The following PITPNM2 variants were observed in gnomAD, a reference collection of about 807,000 sequenced individuals.
The protein encoded by PITPNM2 is membrane-associated phosphatidylinositol transfer protein 2.
A neutral mutation model predicts 132.2 loss-of-function variants in PITPNM2; 35 were observed. The observed-to-expected ratio is 0.26, with a 90% CI of 0.20 to 0.35. The LOEUF is 0.35. PITPNM2 is among the 10% of genes least tolerant of loss of function. The probability of loss-of-function intolerance (pLI) is 1.00; values close to 1 mark genes in which losing one functional copy is unlikely to be tolerated. For synonymous variants in PITPNM2, 738 were observed against 799.2 expected (o/e 0.92, Z 1.29); for missense variants, 1,332 against 1,912.0 (o/e 0.70, Z 5.66).
chr12:123,086,283 T>C (rs1593003120), intron 2 of PITPNM2, among the ~76,000 whole-genome samples: 1 of 152,220 alleles, frequency 6.6e-6, no homozygotes. Context: ...ATTTACCAGC[T>C]TGGGGGCCTT....
chr12:123,049,033 C>A (rs1356157778), intron 2 of PITPNM2, among the ~76,000 whole-genome samples: 1 of 152,124 alleles, frequency 6.6e-6, no homozygotes, highest in Non-Finnish European at 1.5e-5. Flanking sequence ...ACTCAGAAGG[C>A]TGAGGCTGGA....
At chr12:122,989,672 C>G in intron 18 of PITPNM2, 115 bp downstream of exon 18, 1 of 1,065,256 alleles carries the variant, frequency 9.4e-7, no homozygotes, top group Middle Eastern at 3.5e-4. Context: ...CCTCCCAGCC[C>G]AGCCCCCAGC....
intron 2 of PITPNM2, among the ~76,000 whole-genome samples, chr12:123,069,769 T>A (rs1190906595): frequency 6.6e-6 from 1 of 152,194 alleles, no homozygotes; most frequent in Non-Finnish European, 1.5e-5. Flanking sequence ...AGCAGTTGCT[T>A]AATAAAGGTA....
intron 3 of PITPNM2, among the ~76,000 whole-genome samples, chr12:123,027,015 TG>T (rs35801045): frequency 6.6e-6 from 1 of 152,144 alleles, no homozygotes; most frequent in African/African-American, 2.4e-5. Flanking sequence ...ATGCAGATTC[TG>T]GGGGGGACAC....
chr12:123,020,625 G>C (rs1211256363), intron 3 of PITPNM2, among the ~76,000 whole-genome samples: 1 of 152,172 alleles, frequency 6.6e-6, no homozygotes, highest in African/African-American at 2.4e-5. Flanking sequence ...AGCAGGAGAT[G>C]CCTCTGTGCT....
intron 2 of PITPNM2, among the ~76,000 whole-genome samples, chr12:123,076,550 G>A (rs1422569950): frequency 1.3e-5 from 2 of 152,192 alleles, no homozygotes; most frequent in African/African-American, 2.4e-5. Flanking sequence ...TGCTCATGAG[G>A]CTGAAGTCCT....
At chr12:123,011,168 C>A (rs1283215903) in intron 5 of PITPNM2, among the ~76,000 whole-genome samples, 1 of 152,238 alleles carries the variant, frequency 6.6e-6, no homozygotes, top group Non-Finnish European at 1.5e-5. Context: ...GCTCACAGAA[C>A]CCTTTTTTGC....
At chr12:123,019,134 T>G (rs527553303) in intron 3 of PITPNM2, among the ~76,000 whole-genome samples, 1 of 152,174 alleles carries the variant, frequency 6.6e-6, no homozygotes, top group Non-Finnish European at 1.5e-5. Context: ...TAGGTAGTGG[T>G]GATGGTTGCA....
intron 5 of PITPNM2, among the ~76,000 whole-genome samples, chr12:123,011,889 C>T (rs1011972822): frequency 2.6e-5 from 4 of 152,180 alleles, no homozygotes; most frequent in African/African-American, 7.2e-5. Context: ...CATGCTATGA[C>T]GCTTTGTTTC....
rs1476200462 is a variant in PITPNM2, at chr12:122,988,579, G to A, written c.2880+145C>T. On this transcript the variant is annotated intron_variant, in intron 19 of 25. Coordinates refer to ENST00000320201, the MANE Select transcript of PITPNM2 (RefSeq NM_020845.3). ...TGTCCTGAAAAGCCTGAATACACCC[G>A]AGCATAAAGGTGCCCTCATCTTGCT... 16 of 895,184 alleles carry A rather than the reference G, an allele frequency of 1.8e-5. No individual in the cohort carries two copies. In the Admixed American group the frequency reaches 3.3e-4, roughly 18 times the overall value. 55.5% of individuals were successfully genotyped at this position (895,184 alleles called of 1,614,324 possible).
rs1279826619 is a variant in PITPNM2, at chr12:123,000,992, G to A, written c.1153+62C>T. On this transcript the variant is annotated intron_variant, in intron 9 of 25. Coordinates refer to ENST00000320201, the MANE Select transcript of PITPNM2 (RefSeq NM_020845.3). The surrounding 1 kb of genome is among the most constrained non-coding windows in gnomAD (Gnocchi z 5.4). ...CACTGTGCAGAAGCTGGTCAGAAAGGAGGGGGCTGAAGCCCTGCAACCGCC... is the reference window on the plus strand; with the variant it reads ...CACTGTGCAGAAGCTGGTCAGAAAGAAGGGGGCTGAAGCCCTGCAACCGCC... The A allele has an allele frequency of 3.9e-6, 6 of 1,552,746 alleles. No individual in the cohort carries two copies. Among genetic ancestry groups the A allele is most frequent in the Non-Finnish European group, 4.4e-6 (5 of 1,124,706 alleles).
At chr12:123,118,082 T>C (rs1346843732) in intron 1 of PITPNM2, among the ~76,000 whole-genome samples, 1 of 152,134 alleles carries the variant, frequency 6.6e-6, no homozygotes, top group African/African-American at 2.4e-5. Flanking sequence ...AAGACAAGAG[T>C]GGGGATAAGC....
At position 123,108,980 on chromosome 12, in the gene PITPNM2, C is replaced by A; in HGVS notation, c.-96+1405G>T. Among the ~76,000 whole-genome samples the A allele has an allele frequency of 6.6e-6, 1 of 152,210 alleles. No homozygotes were observed. Among genetic ancestry groups the A allele is most frequent in the East Asian group, 1.9e-4 (1 of 5,194 alleles). ...TCTAGACTCGGGGTCCAATCCCAAT[C>A]CCACCACTGACTAGCTGTGCAACCT... On this transcript the variant is annotated intron_variant, in intron 2 of 25. Transcript: ENST00000320201. The surrounding 1 kb of genome is among the most constrained non-coding windows in gnomAD (Gnocchi z 4.4).
chr12:122,991,648 G>C (rs1029541057), intron 16 of PITPNM2: 1 of 1,162,508 alleles, frequency 8.6e-7, no homozygotes, highest in African/African-American at 1.6e-5. Flanking sequence ...CACCACCCAG[G>C]TCCCACGAAC....
chr12:123,093,773 T>A (rs1593009076), intron 2 of PITPNM2, among the ~76,000 whole-genome samples: 1 of 152,128 alleles, frequency 6.6e-6, no homozygotes, highest in South Asian at 2.1e-4. Flanking sequence ...CTTTAATACC[T>A]CCAACCCTGA....
At chr12:122,988,940 G>A (rs2038061789) in intron 18 of PITPNM2, 68 bp from the exon 19 acceptor site, 9 of 1,444,598 alleles carry the variant, frequency 6.2e-6, no homozygotes, top group South Asian at 1.4e-5. Context: ...AGGGTCACCC[G>A]GCCCCTCTGG....
Position 122,996,751 on chromosome 12 carries a change from C to T in PITPNM2, c.1632G>A (p.Lys544=), listed in dbSNP as rs1395198214. The change falls in exon 12 of 26, where the codon AAG becomes AAA. Residue 544 remains lysine, a synonymous_variant. Coordinates refer to ENST00000320201, the MANE Select transcript of PITPNM2 (RefSeq NM_020845.3). ...RANLAYGDFI[K]SQEGMTFNGQ... The stretch of plus-strand genomic sequence containing the variant: ...CATTGAAGGTCATGCCCTCCTGGGA[C>T]TTGATGAAGTCCCCATAGGCAAGGT... The T allele has an allele frequency of 6.2e-7, 1 of 1,612,012 alleles. No homozygotes were observed. Among genetic ancestry groups the T allele is most frequent in the Non-Finnish European group, 8.5e-7 (1 of 1,179,528 alleles).
In PITPNM2 at chr12:123,009,583, G is replaced by A. The variant is rs1027161876; in HGVS notation, c.643+267C>T. Among the ~76,000 whole-genome samples, 2 of 152,220 alleles carry A rather than the reference G, an allele frequency of 1.3e-5. No individual in the cohort carries two copies. The highest frequency in any genetic ancestry group is 2.1e-4 in the South Asian group (1 of 4,826). ...AATGCGAACTAGGTCAGGAATGTCTGGGGGCAGTGCCTAGGGCTTCTTCAT... is the reference window on the plus strand; with the variant it reads ...AATGCGAACTAGGTCAGGAATGTCTAGGGGCAGTGCCTAGGGCTTCTTCAT... On this transcript the variant is annotated intron_variant, in intron 6 of 25. Transcript: ENST00000320201. This position sits in a 1 kb window ranked among gnomAD's most constrained non-coding sequence, Gnocchi z 4.8.
At chr12:123,013,340 C>T (rs1041575916) in intron 4 of PITPNM2, among the ~76,000 whole-genome samples, 2 of 152,204 alleles carry the variant, frequency 1.3e-5, no homozygotes, top group Non-Finnish European at 2.9e-5. Context: ...CTGCAGGGCA[C>T]AGAGTGAAGA....
Sources: gnomAD v4.1 joint callset for allele counts (sites outside exome capture counted in the v4.1 genomes callset) on GRCh38, gnomAD v4.1.1 for gene constraint, Gnocchi (gnomAD v3.1) non-coding constraint, MANE v1.5 for transcripts, NCBI Gene and HGNC (gene_info 2026-07-23, HGNC 2026-07-21) for gene names.